ZNF773: variants seen among roughly 807,000 people sequenced by gnomAD.
ZNF773 encodes the protein zinc finger protein 773.
In ZNF773, 11 loss-of-function variants were observed where a neutral mutation model predicts 12.8. The ratio of observed to expected loss-of-function variants is 0.86; its 90% confidence interval spans 0.54 to 1.42. The LOEUF (loss-of-function observed/expected upper bound fraction) is 1.42, where lower values mean the gene tolerates loss of function less well. Among genes scored for constraint, ZNF773 ranks in the 40% most tolerant of loss-of-function variants. The pLI, the probability that ZNF773 is intolerant of heterozygous loss-of-function variation, is 0.00. For synonymous variants in ZNF773, 175 were observed against 178.4 expected (o/e 0.98, Z 0.15); for missense variants, 518 against 527.2 (o/e 0.98, Z 0.17).
Position 57,507,100 on chromosome 19 carries a change from A to T in ZNF773, c.1005A>T (p.Glu335Asp). ...GAGAAAGACCTTATAAGTGCAGTGA[A>T]TGTGGAAAATTCTATAGCCACAAGT... ...HTGERPYKCS[E>D]CGKFYSHKSS... The change falls in exon 4 of 4, where the codon GAA becomes GAT. Residue 335 changes from glutamate to aspartate, a missense_variant. Glu to Asp is a conservative substitution (Grantham distance 45, BLOSUM62 2). Transcript: ENST00000282292. The T allele has an allele frequency of 6.2e-7, 1 of 1,614,156 alleles. No individual in the cohort carries two copies. Among genetic ancestry groups the T allele is most frequent in the Non-Finnish European group, 8.5e-7 (1 of 1,180,006 alleles).
At chr19:57,515,074 T>G (rs1428020450), downstream of ZNF773, 3 of 152,206 alleles carry the variant, frequency 2.0e-5, no homozygotes, top group Non-Finnish European at 2.9e-5. Context: ...TATCTCCTAT[T>G]AACATTGTCT....
At chr19:57,505,712 GT>G (rs11312618) in intron 3 of ZNF773, among the ~76,000 whole-genome samples, 62,319 of 110,432 alleles carry the variant, frequency 0.56, 15,299 homozygotes, top group South Asian at 0.66. Context: ...CATTCCAGTT[GT>G]TTTTTTTTTT....
chr19:57,506,001 G>A (rs1487879540), intron 3 of ZNF773, among the ~76,000 whole-genome samples: 1 of 152,080 alleles, frequency 6.6e-6, no homozygotes, highest in East Asian at 1.9e-4. Flanking sequence ...GAGGCACCGC[G>A]CCCATCCTGC....
downstream of ZNF773, chr19:57,515,514 C>G (rs1443329796): frequency 6.6e-6 from 1 of 152,208 alleles, no homozygotes; most frequent in African/African-American, 2.4e-5. Context: ...CATATAGCAG[C>G]CTTTGGCAAA....
chr19:57,507,067 T>G lies in ZNF773; in HGVS notation c.972T>G (p.Val324=), dbSNP rs762847073. ...CCAGCCTCATGAAACATCAGAGAGT[T>G]CACACTGGAGAAAGACCTTATAAGT... The part of the protein sequence containing the change: ...FNSSLMKHQR[V]HTGERPYKCS... The change falls in exon 4 of 4, where the codon GTT becomes GTG. Residue 324 remains valine (V), a synonymous_variant. Coordinates refer to ENST00000282292, the MANE Select transcript of ZNF773 (RefSeq NM_198542.3). 36 of 1,613,974 alleles carry G rather than the reference T, an allele frequency of 2.2e-5. No individual in the cohort carries two copies. The highest frequency in any genetic ancestry group is 3.0e-5 in the Non-Finnish European group (35 of 1,180,022).
chr19:57,516,532 T>C (rs1423594468), downstream of ZNF773: 1 of 152,152 alleles, frequency 6.6e-6, no homozygotes, highest in Non-Finnish European at 1.5e-5. Context: ...TACTGCACCA[T>C]TGGAGGGACT....
downstream of ZNF773, among the ~76,000 whole-genome samples, chr19:57,512,704 C>T (rs1051558216): frequency 1.3e-5 from 2 of 152,154 alleles, no homozygotes; most frequent in African/African-American, 4.8e-5. Context: ...CTCATGAATG[C>T]AGTATGTTGG....
At chr19:57,500,162 G>C in intron 1 of ZNF773, 49 bp downstream of exon 1, 2 of 1,564,438 alleles carry the variant, frequency 1.3e-6, no homozygotes, top group Non-Finnish European at 1.7e-6. Flanking sequence ...AGCCCTGTGA[G>C]GGCCGCCTGC....
chr19:57,511,907 C>A (rs1188313400), downstream of ZNF773, among the ~76,000 whole-genome samples: 2 of 152,026 alleles, frequency 1.3e-5, no homozygotes, highest in Admixed American at 1.3e-4. Flanking sequence ...AAGCCAGACA[C>A]AAAAGTTGAC....
At chr19:57,513,129 A>G, downstream of ZNF773, 1 of 1,423,108 alleles carries the variant, frequency 7.0e-7, no homozygotes, top group Middle Eastern at 2.2e-4. Context: ...CCCCAGGACA[A>G]GTCTGCTGGC....
At chr19:57,508,582 T>A (rs1303519581), downstream of ZNF773, 2 of 698,964 alleles carry the variant, frequency 2.9e-6, no homozygotes, top group Non-Finnish European at 5.2e-6. Context: ...GATCCAAATG[T>A]TTCAAATTTT....
intron 1 of ZNF773, among the ~76,000 whole-genome samples, chr19:57,501,802 C>A (rs1311386763): frequency 2.0e-5 from 3 of 152,084 alleles, no homozygotes; most frequent in African/African-American, 7.2e-5. Flanking sequence ...AGGCCCTCAC[C>A]CTCCTCAACT....
chr19:57,507,259 G>C lies in ZNF773; in HGVS notation c.1164G>C (p.Lys388Asn), dbSNP rs150456601. Residue 388 changes from lysine to asparagine, a missense_variant, in exon 4 of 4, where the codon AAG becomes AAC. Physicochemically the swap from Lys to Asn is moderately conservative, Grantham distance 94. Transcript: ENST00000282292. The stretch of plus-strand genomic sequence containing the variant: ...TTCACACTGGAGAAAAACCTTTTAA[G>C]TGCAATGAATGTGGGAGATTCTTTA... ...RKVHTGEKPF[K>N]CNECGRFFSE... 1 of 1,611,094 alleles carries C rather than the reference G, an allele frequency of 6.2e-7. No individual in the cohort carries two copies. Among genetic ancestry groups the C allele is most frequent in the Non-Finnish European group, 8.5e-7 (1 of 1,177,994 alleles).
In ZNF773 at chr19:57,504,639, C is replaced by G. The variant is rs2089707030; in HGVS notation, c.34-18C>G. The G allele has an allele frequency of 6.2e-7, 1 of 1,613,482 alleles. No individual in the cohort carries two copies. The highest frequency in any genetic ancestry group is 1.1e-5 in the South Asian group (1 of 91,068). On this transcript the variant is annotated intron_variant, in intron 1 of 3. Coordinates refer to ENST00000282292, the MANE Select transcript of ZNF773 (RefSeq NM_198542.3). ...CCAGTAAGGAGACCGCAGATAAACT[C>G]AACTCTGTCCATCTTAGCAGGGCTA...
downstream of ZNF773, chr19:57,508,349 T>G (rs962246092): frequency 9.8e-5 from 52 of 530,452 alleles, no homozygotes; most frequent in Admixed American, 5.7e-4. Context: ...CGAATGGAGT[T>G]TTAATCTCAC....
Position 57,507,581 on chromosome 19 carries a change from T to C in ZNF773, c.*157T>C, listed in dbSNP as rs2089755859. On this transcript the variant is annotated 3_prime_UTR_variant, in exon 4 of 4. Transcript: ENST00000282292. ...CACAGAGTGGACAATGTAGTGAATATGGTAAAAGGCCTCAGCCAAAGGCCT... is the reference window on the plus strand; with the variant it reads ...CACAGAGTGGACAATGTAGTGAATACGGTAAAAGGCCTCAGCCAAAGGCCT... 4.2e-6 allele frequency: 6 copies of C among 1,427,818 alleles called. No individual in the cohort carries two copies. The East Asian group carries it at 1.5e-4, about 36-fold the overall frequency. 88.4% of individuals were successfully genotyped at this position (1,427,818 alleles called of 1,614,324 possible).
rs181702559 is a variant in ZNF773, at chr19:57,506,647, T to G, written c.552T>G (p.Phe184Leu). The G allele has an allele frequency of 6.2e-7, 1 of 1,614,216 alleles. No homozygotes were observed. The highest frequency in any genetic ancestry group is 2.2e-5 in the East Asian group (1 of 44,886). ...GGAGCTCCAAAAGTAGGGAGGCCTTTCATGCTGGAAAAAGGCATTACAAAT... is the reference window on the plus strand; with the variant it reads ...GGAGCTCCAAAAGTAGGGAGGCCTTGCATGCTGGAAAAAGGCATTACAAAT... ...SHRSSKSREA[F>L]HAGKRHYKCS... Residue 184 changes from phenylalanine to leucine, a missense_variant, in exon 4 of 4, where the codon TTT becomes TTG. Coordinates refer to ENST00000282292, the MANE Select transcript of ZNF773 (RefSeq NM_198542.3).
chr19:57,500,132 C>T lies in ZNF773; in HGVS notation c.33+19C>T, dbSNP rs368071146. 2.8e-4 allele frequency: 452 copies of T among 1,599,980 alleles called. No homozygotes were observed. The highest frequency in any genetic ancestry group is 2.8e-3 in the African/African-American group (208 of 74,512). On this transcript the variant is annotated intron_variant, in intron 1 of 3. Transcript: ENST00000282292. ...CGCTCAGGTGAGCGCCGCGTCCTCC[C>T]GGCCTCCCCCGAATCCTAAAGCCCT...
intron 1 of ZNF773, among the ~76,000 whole-genome samples, chr19:57,501,040 T>A (rs1271172361): frequency 6.6e-6 from 1 of 152,074 alleles, no homozygotes; most frequent in East Asian, 1.9e-4. Flanking sequence ...TTGGGTAGTA[T>A]ATAGGTTTGC....
Sources: allele counts gnomAD v4.1 joint callset (sites outside exome capture counted in the v4.1 genomes callset), GRCh38; gene constraint gnomAD v4.1.1; transcripts MANE v1.5; gene names NCBI Gene and HGNC (gene_info 2026-07-23, HGNC 2026-07-21).